PCDHA5: variants seen among roughly 807,000 people sequenced by gnomAD.
The protein encoded by PCDHA5 is protocadherin alpha 5, also known as protocadherin alpha-5.
Under a neutral mutation model 61.6 loss-of-function variants are expected in PCDHA5, and 43 were observed. That is an observed-to-expected ratio of 0.70 (90% CI 0.55 to 0.90). The LOEUF (loss-of-function observed/expected upper bound fraction) is 0.90. Among genes scored for constraint, PCDHA5 ranks in the 40% least tolerant of loss-of-function variants. The pLI is 0.00. For missense variants in PCDHA5, 1,298 were observed against 1,222.7 expected, an observed-to-expected ratio of 1.06 and a Z score of -0.92; for synonymous variants, 627 against 543.9, an observed-to-expected ratio of 1.15 and a Z score of -2.13.
At chr5:140,909,523 C>G (rs1265179214) in intron 1 of PCDHA5, among the ~76,000 whole-genome samples, 1 of 152,172 alleles carries the variant, frequency 6.6e-6, no homozygotes, top group Non-Finnish European at 1.5e-5. Context: ...AACCCCTGCA[C>G]ATTTTGAGTC....
chr5:140,966,502 GGCA>G (rs2096011406), intron 1 of PCDHA5: 14 of 433,816 alleles, frequency 3.2e-5, no homozygotes, highest in South Asian at 2.3e-4. Context: ...GAGCTGTAGC[GGCA>G]GCAGCAGCAG....
chr5:140,846,892 T>G (rs910093785), intron 1 of PCDHA5, among the ~76,000 whole-genome samples: 1 of 149,538 alleles, frequency 6.7e-6, no homozygotes, highest in Non-Finnish European at 1.5e-5. Flanking sequence ...AGAATGACGT[T>G]GAAGTTGAAA....
chr5:141,002,023 G>GC (rs1479327416), intron 3 of PCDHA5, among the ~76,000 whole-genome samples: 4 of 152,186 alleles, frequency 2.6e-5, no homozygotes, highest in Admixed American at 6.5e-5. Flanking sequence ...ACAGCCTTCG[G>GC]TGCCCTGACT....
At chr5:140,890,356 T>C (rs139351817) in intron 1 of PCDHA5, among the ~76,000 whole-genome samples, 50 of 152,308 alleles carry the variant, frequency 3.3e-4, no homozygotes, top group African/African-American at 1.2e-3. Context: ...TATATAGCAA[T>C]GGATAACCTG....
chr5:140,967,034 C>T (rs782810130), intron 1 of PCDHA5: 9 of 1,610,726 alleles, frequency 5.6e-6, no homozygotes, highest in Non-Finnish European at 2.5e-6. Flanking sequence ...TCCGCGCTAC[C>T]TGGAGCTGGA....
intron 3 of PCDHA5, among the ~76,000 whole-genome samples, chr5:140,997,680 G>A (rs954561672): frequency 6.6e-6 from 1 of 151,954 alleles, no homozygotes; most frequent in African/African-American, 2.4e-5. Context: ...GTGTGTGTGT[G>A]TGTGTGTGTG....
At chr5:140,843,774 A>T in intron 1 of PCDHA5, 1 of 1,457,980 alleles carries the variant, frequency 6.9e-7, no homozygotes. Context: ...TAGTTACTTT[A>T]AAAGTGTTTC....
chr5:141,008,641 T>G (rs569373015), intron 3 of PCDHA5, among the ~76,000 whole-genome samples: 1 of 152,344 alleles, frequency 6.6e-6, no homozygotes, highest in Admixed American at 6.5e-5. Context: ...TAACAATTTC[T>G]TCTTCTGGAG....
At chr5:140,880,684 A>G (rs903335932) in intron 1 of PCDHA5, among the ~76,000 whole-genome samples, 27 of 152,226 alleles carry the variant, frequency 1.8e-4, no homozygotes, top group Admixed American at 1.2e-3. Flanking sequence ...TGAAGAGAAT[A>G]GTCATGGTTA....
intron 1 of PCDHA5, chr5:140,927,559 G>C: frequency 6.2e-7 from 1 of 1,614,170 alleles, no homozygotes; most frequent in Non-Finnish European, 8.5e-7. Flanking sequence ...CACCATCATT[G>C]TGGTGGACAC....
intron 1 of PCDHA5, chr5:140,884,401 G>T (rs781854362): frequency 3.1e-6 from 5 of 1,613,996 alleles, no homozygotes; most frequent in Non-Finnish European, 4.2e-6. Flanking sequence ...CCAGCCTGTT[G>T]GTGCTCACGT....
chr5:140,869,316 T>C (rs782789227), intron 1 of PCDHA5: 22 of 1,613,628 alleles, frequency 1.4e-5, no homozygotes, highest in South Asian at 4.4e-5. Flanking sequence ...CCAAAACACA[T>C]GGGGACCTTC....
chr5:140,871,137 T>C, intron 1 of PCDHA5: 1 of 1,613,416 alleles, frequency 6.2e-7, no homozygotes, highest in East Asian at 2.2e-5. Flanking sequence ...CAAAGGCCTC[T>C]TCCCGGACTT....
chr5:140,822,387 A>C lies in PCDHA5; in HGVS notation c.612A>C (p.Thr204=), dbSNP rs1767293783. The C allele has an allele frequency of 1.2e-6, 2 of 1,614,150 alleles. No individual in the cohort carries two copies. Among genetic ancestry groups the C allele is most frequent in the East Asian group, 4.5e-5 (2 of 44,890 alleles). ...GGAAATCCTTAGATAGAGAAGAAACACAAGAACACCGTTTATTAGTGATTG... is the reference window on the plus strand; with the variant it reads ...GGAAATCCTTAGATAGAGAAGAAACCCAAGAACACCGTTTATTAGTGATTG... ...VLRKSLDREE[T]QEHRLLVIAT... The change falls in exon 1 of 4, where the codon ACA becomes ACC. Residue 204 remains threonine (T), a synonymous_variant. Coordinates refer to ENST00000529859, the MANE Select transcript of PCDHA5 (RefSeq NM_018908.3).
chr5:140,886,910 T>C (rs1373910489), intron 1 of PCDHA5, among the ~76,000 whole-genome samples: 1 of 152,100 alleles, frequency 6.6e-6, no homozygotes, highest in African/African-American at 2.4e-5. Context: ...TAAATACTTA[T>C]TGAGTGTTCT....
chr5:140,954,995 T>C (rs962646761), intron 1 of PCDHA5, among the ~76,000 whole-genome samples: 2 of 152,222 alleles, frequency 1.3e-5, no homozygotes, highest in African/African-American at 2.4e-5. Context: ...TGCATATGGC[T>C]AGCCAATTCT....
At chr5:140,947,086 CTG>C (rs1554218047) in intron 1 of PCDHA5, among the ~76,000 whole-genome samples, 1 of 151,518 alleles carries the variant, frequency 6.6e-6, no homozygotes, top group African/African-American at 2.4e-5. Context: ...AAACATCAGA[CTG>C]TAGCCCATAA....
chr5:140,923,245 G>T (rs1584300888), intron 1 of PCDHA5, among the ~76,000 whole-genome samples: 3 of 152,190 alleles, frequency 2.0e-5, no homozygotes, highest in East Asian at 1.9e-4. Context: ...TTTGAGACCA[G>T]CTGGGCAACA....
At chr5:140,920,135 C>T (rs1206026315) in intron 1 of PCDHA5, among the ~76,000 whole-genome samples, 2 of 152,164 alleles carry the variant, frequency 1.3e-5, no homozygotes, top group Non-Finnish European at 2.9e-5. Flanking sequence ...TTTTAATTCT[C>T]CTCTCCAAAC....
Sources: gnomAD v4.1 joint callset for allele counts (sites outside exome capture counted in the v4.1 genomes callset) on GRCh38, gnomAD v4.1.1 for gene constraint, MANE v1.5 for transcripts, NCBI Gene and HGNC (gene_info 2026-07-23, HGNC 2026-07-21) for gene names.